The following PRAG1 variants were observed in gnomAD, a reference collection of about 807,000 sequenced individuals.
PRAG1 encodes PEAK1 related, kinase-activating pseudokinase 1.
A neutral mutation model predicts 95.6 loss-of-function variants in PRAG1; 110 were observed. The observed-to-expected ratio is 1.15, with a 90% CI of 0.99 to 1.35. PRAG1 has a LOEUF of 1.35. Among genes scored for constraint, PRAG1 ranks in the 40% most tolerant of loss-of-function variants. The pLI is 0.00. For missense variants in PRAG1, 2,554 were observed against 1,864.7 expected, an observed-to-expected ratio of 1.37 and a Z score of -6.81; for synonymous variants, 1,052 against 819.4, an observed-to-expected ratio of 1.28 and a Z score of -4.85.
At chr8:8,345,583 G>C (rs1563238640) in intron 3 of PRAG1, among the ~76,000 whole-genome samples, 1 of 152,026 alleles carries the variant, frequency 6.6e-6, no homozygotes, top group African/African-American at 2.4e-5. Flanking sequence ...TTGAGGCCAG[G>C]AGTTCGAGAC....
chr8:8,369,843 T>C (rs996114141), intron 3 of PRAG1, among the ~76,000 whole-genome samples: 2 of 152,084 alleles, frequency 1.3e-5, no homozygotes, highest in South Asian at 2.1e-4. Context: ...ACAGAGGATG[T>C]GGTGAGAATC....
chr8:8,332,694 T>G (rs1316757153), intron 4 of PRAG1, among the ~76,000 whole-genome samples: 1 of 141,408 alleles, frequency 7.1e-6, no homozygotes, highest in East Asian at 2.3e-4. Flanking sequence ...GTTAATACTC[T>G]TGGGGATACT....
intron 2 of PRAG1, among the ~76,000 whole-genome samples, 158 bp from the exon 3 acceptor site, chr8:8,378,236 C>T (rs1391371563): frequency 6.6e-6 from 1 of 152,232 alleles, no homozygotes; most frequent in Non-Finnish European, 1.5e-5. Context: ...CGCCCACCTT[C>T]TCATCTCCCC....
In PRAG1 at chr8:8,381,667, G is replaced by A. The variant is rs780755727; in HGVS notation, c.81C>T (p.Pro27=). The A allele has an allele frequency of 1.1e-4, 174 of 1,613,670 alleles. No homozygotes were observed. The highest frequency in any genetic ancestry group is 1.4e-4 in the Non-Finnish European group (168 of 1,179,788). Residue 27 remains proline, a synonymous_variant, in exon 2 of 6, where the codon CCC becomes CCT. Transcript: ENST00000615670. ...GGCAGAAGCAGTTCTTGCAGGACCC[G>A]GGTTTCCAGATGTGCTCCACAAAGT... is the stretch of plus-strand genomic sequence containing the variant. ...CSDFVEHIWK[P]GSCKNCFCLR... is the part of the protein sequence containing the mutation.
At chr8:8,323,528 G>T (rs184105964) in intron 5 of PRAG1, among the ~76,000 whole-genome samples, 1 of 152,170 alleles carries the variant, frequency 6.6e-6, no homozygotes, top group East Asian at 1.9e-4. Flanking sequence ...GTTTCACCAT[G>T]TTGGCCAGGC....
At chr8:8,370,259 G>A (rs1445829729) in intron 3 of PRAG1, among the ~76,000 whole-genome samples, 1 of 152,182 alleles carries the variant, frequency 6.6e-6, no homozygotes, top group African/African-American at 2.4e-5. Context: ...CCACACTTAT[G>A]GAAACAGGCC....
chr8:8,376,843 C>A lies in PRAG1; in HGVS notation c.1566G>T (p.Gly522=), dbSNP rs998096289. The A allele has an allele frequency of 2.5e-6, 4 of 1,612,724 alleles. No homozygotes were observed. The African/African-American group carries it at 4.0e-5, about 16-fold the overall frequency. Residue 522 remains glycine (G), a synonymous_variant, in exon 3 of 6, where the codon GGG becomes GGT. Coordinates refer to ENST00000615670, the MANE Select transcript of PRAG1 (RefSeq NM_001080826.3). ...GAGCATGGCTTTCCCTGGAGCTCAGCCCCTGCCCAGCCGAAGTCTCCTCTT... is the reference window on the plus strand; with the variant it reads ...GAGCATGGCTTTCCCTGGAGCTCAGACCCTGCCCAGCCGAAGTCTCCTCTT... ...VGEEETSAGQ[G]LSSRESHAHS...
At chr8:8,330,184 G>A (rs13271732) in intron 4 of PRAG1, among the ~76,000 whole-genome samples, 1 of 152,134 alleles carries the variant, frequency 6.6e-6, no homozygotes, top group African/African-American at 2.4e-5. Context: ...TGGGCAAAAT[G>A]GCGAACCCCC....
rs1264054792 is a variant in PRAG1 at position 8,318,615 on chromosome 8, C to A, written c.3760G>T (p.Glu1254Ter). ...VSASQYRKFD[E>*]FQTGILIYEL... ...TAGATGAGGATGCCTGTCTGGAACT[C>A]ATCGAACTTGCGGTACTGGGAAGCA... Residue 1254 changes from glutamate to a stop codon, truncating the protein, a stop_gained, in exon 6 of 6, where the codon GAG (glutamate) becomes TAG (stop). Transcript: ENST00000615670. LOFTEE classifies it high-confidence loss of function. This position sits in a 1 kb window ranked among gnomAD's most constrained non-coding sequence, Gnocchi z 4.2. 1.2e-6 allele frequency: 2 copies of A among 1,613,152 alleles called. No individual in the cohort carries two copies. The highest frequency in any genetic ancestry group is 1.7e-6 in the Non-Finnish European group (2 of 1,179,878).
chr8:8,380,680 C>T (rs551674247), intron 2 of PRAG1, among the ~76,000 whole-genome samples: 1 of 151,512 alleles, frequency 6.6e-6, no homozygotes, highest in African/African-American at 2.4e-5. Flanking sequence ...GTGGTGAAAC[C>T]CATCTCTACT....
At position 8,319,050 on chromosome 8, in the gene PRAG1, C is replaced by T. The variant is rs567146127; in HGVS notation, c.3325G>A (p.Ala1109Thr). ...GCCTCGGGCTCCGCCTGGTGGCTGG[C>T]CGCCGAGTCCCGCACGAAGTCGGAG... ...TASDFVRDSA[A>T]SHQAEPEAYE... Residue 1109 changes from alanine to threonine, a missense_variant, in exon 6 of 6, where the codon GCC becomes ACC. Ala to Thr is a moderately conservative substitution (Grantham distance 58). Coordinates refer to ENST00000615670, the MANE Select transcript of PRAG1 (RefSeq NM_001080826.3). 2.8e-5 allele frequency: 45 copies of T among 1,612,238 alleles called. No homozygotes were observed. Among genetic ancestry groups the T allele is most frequent in the Admixed American group, 1.8e-4 (11 of 59,980 alleles).
At chr8:8,341,904 G>A (rs143491420) in intron 3 of PRAG1, among the ~76,000 whole-genome samples, 1,687 of 152,208 alleles carry the variant, frequency 0.011, 24 homozygotes, top group African/African-American at 0.038. Flanking sequence ...AGGTCAAGGC[G>A]GGCAGATCAC....
intron 5 of PRAG1, among the ~76,000 whole-genome samples, chr8:8,322,310 A>C (rs1289345079): frequency 6.6e-6 from 1 of 152,058 alleles, no homozygotes; most frequent in Non-Finnish European, 1.5e-5. Context: ...CCTCCTGAGT[A>C]GCTGGGATTA....
At chr8:8,351,214 A>T (rs1326868851) in intron 3 of PRAG1, among the ~76,000 whole-genome samples, 1 of 152,132 alleles carries the variant, frequency 6.6e-6, no homozygotes, top group Non-Finnish European at 1.5e-5. Context: ...TCAGCACTTC[A>T]CATGGCAAGA....
chr8:8,341,577 A>T (rs917375911), intron 3 of PRAG1, among the ~76,000 whole-genome samples: 1 of 152,196 alleles, frequency 6.6e-6, no homozygotes, highest in African/African-American at 2.4e-5. Context: ...GGTTTATTAA[A>T]TGCCTTTTCT....
chr8:8,322,802 TG>T (rs986035173), intron 5 of PRAG1, among the ~76,000 whole-genome samples: 1 of 152,182 alleles, frequency 6.6e-6, no homozygotes, highest in Middle Eastern at 3.2e-3. Context: ...AGAAAATCTT[TG>T]AATCCACCGA....
intron 3 of PRAG1, among the ~76,000 whole-genome samples, chr8:8,348,387 T>C (rs1799415189): frequency 6.6e-6 from 1 of 152,236 alleles, no homozygotes; most frequent in Non-Finnish European, 1.5e-5. Context: ...GAAACACACA[T>C]CTCAAATTTT....
intron 3 of PRAG1, among the ~76,000 whole-genome samples, chr8:8,367,672 C>T (rs912417176): frequency 4.6e-5 from 7 of 151,566 alleles, no homozygotes; most frequent in Non-Finnish European, 8.8e-5. Flanking sequence ...GATGGAGTCT[C>T]GCTCTGTCAC....
In PRAG1 at chr8:8,319,309, A is replaced by G. The variant is rs6601691; in HGVS notation, c.3073-7T>C. 0.55 allele frequency: 821,744 copies of G among 1,491,846 alleles called. 228,029 individuals carry two copies. Among genetic ancestry groups the G allele is most frequent in the East Asian group, 0.58 (24,635 of 42,246 alleles). 92.4% of individuals were successfully genotyped at this position (1,491,846 alleles called of 1,614,324 possible). The stretch of plus-strand genomic sequence containing the variant: ...GCTCAGGGGCTTTGCAGATCTGTGG[A>G]GAGAAGAAGAAGTGAAATCAAGAGT... On this transcript the variant is annotated splice_region_variant and splice_polypyrimidine_tract_variant and intron_variant, in intron 5 of 5. Transcript: ENST00000615670.
Sources: allele counts gnomAD v4.1 joint callset (sites outside exome capture counted in the v4.1 genomes callset), GRCh38; gene constraint gnomAD v4.1.1; non-coding constraint Gnocchi (gnomAD v3.1); transcripts MANE v1.5; gene names NCBI Gene and HGNC (gene_info 2026-07-23, HGNC 2026-07-21).